KIF13A: variants seen among roughly 807,000 people sequenced by gnomAD.
The protein encoded by KIF13A is kinesin family member 13A.
KIF13A carries 79 observed loss-of-function variants against 212.2 expected under a neutral mutation model. The observed-to-expected ratio is 0.37, with a 90% CI of 0.31 to 0.45. The LOEUF (loss-of-function observed/expected upper bound fraction) is 0.45, where lower values mean the gene tolerates loss of function less well. Ranked by LOEUF, KIF13A falls within the 20% of genes least tolerant of loss-of-function variation. The pLI is 1.00. For missense variants in KIF13A, 1,901 were observed against 2,209.0 expected, an observed-to-expected ratio of 0.86 and a Z score of 2.79; for synonymous variants, 789 against 808.6, an observed-to-expected ratio of 0.98 and a Z score of 0.41.
At chr6:17,931,860 C>T (rs1412018681) in intron 2 of KIF13A, among the ~76,000 whole-genome samples, 1 of 152,032 alleles carries the variant, frequency 6.6e-6, no homozygotes, top group East Asian at 1.9e-4. Flanking sequence ...AAATAAAGAG[C>T]CCCAGTAATC....
chr6:17,928,040 C>T (rs1775643701), intron 2 of KIF13A, among the ~76,000 whole-genome samples: 1 of 152,236 alleles, frequency 6.6e-6, no homozygotes, highest in Non-Finnish European at 1.5e-5. Context: ...TGCAAAATCA[C>T]ACAGGCTGCG....
At position 17,799,542 on chromosome 6, in the gene KIF13A, C is replaced by T; in HGVS notation, c.2617-103G>A. ...GTAAGCGATGAAACAAATTGGTCAT[C>T]CATTTGACATGTGAAAATATTATAT... On this transcript the variant is annotated intron_variant, in intron 21 of 38. Coordinates refer to ENST00000259711, the MANE Select transcript of KIF13A (RefSeq NM_022113.6). The surrounding 1 kb of genome is among the most constrained non-coding windows in gnomAD (Gnocchi z 4.4). 1.1e-6 allele frequency: 1 copy of T among 900,414 alleles called. No individual in the cohort carries two copies. The highest frequency in any genetic ancestry group is 1.6e-6 in the Non-Finnish European group (1 of 609,394). 55.8% of individuals were successfully genotyped at this position (900,414 alleles called of 1,614,324 possible).
At chr6:17,809,000 CT>C in intron 17 of KIF13A, 70 bp from the exon 18 acceptor site, 1 of 1,379,000 alleles carries the variant, frequency 7.3e-7, no homozygotes, top group Non-Finnish European at 9.7e-7. Flanking sequence ...AAGTGAGCAT[CT>C]TATTAGAAAA....
rs556163612 is a variant in KIF13A, at chr6:17,809,112, C to T, written c.2001-182G>A. Among the ~76,000 whole-genome samples the T allele has an allele frequency of 6.6e-6, 1 of 152,320 alleles. No homozygotes were observed. ...CAGATGGGCTATCTGTTGAGAACTA[C>T]TGATGGGAAGCAAATTGTTGAGCAA... On this transcript the variant is annotated intron_variant, in intron 17 of 38. Coordinates refer to ENST00000259711, the MANE Select transcript of KIF13A (RefSeq NM_022113.6). The surrounding 1 kb of genome is among the most constrained non-coding windows in gnomAD (Gnocchi z 4.7).
chr6:17,938,073 T>G (rs1268304283), intron 2 of KIF13A, among the ~76,000 whole-genome samples: 2 of 152,044 alleles, frequency 1.3e-5, no homozygotes, highest in African/African-American at 4.8e-5. Context: ...TAAAATTTTT[T>G]TTGTAGAGAT....
chr6:17,970,268 T>C (rs1779697920), intron 2 of KIF13A, among the ~76,000 whole-genome samples: 1 of 152,178 alleles, frequency 6.6e-6, no homozygotes, highest in African/African-American at 2.4e-5. Context: ...TAGAACAGTT[T>C]TTGATCCATT....
intron 4 of KIF13A, among the ~76,000 whole-genome samples, chr6:17,866,140 T>C (rs1351452640): frequency 2.0e-5 from 3 of 152,188 alleles, no homozygotes; most frequent in Non-Finnish European, 4.4e-5. Context: ...TAAACCTTCA[T>C]TTCTATCTTA....
intron 2 of KIF13A, among the ~76,000 whole-genome samples, chr6:17,955,477 AC>A (rs1476002049): frequency 2.6e-5 from 4 of 152,210 alleles, no homozygotes; most frequent in Admixed American, 1.3e-4. Context: ...AATTACCTAT[AC>A]AATAAGTAAA....
At chr6:17,955,684 A>AT (rs1309351365) in intron 2 of KIF13A, among the ~76,000 whole-genome samples, 2 of 152,218 alleles carry the variant, frequency 1.3e-5, no homozygotes, top group Admixed American at 6.5e-5. Context: ...AGACAAAGTC[A>AT]TGGTTTACTA....
At chr6:17,812,585 A>G (rs1385504985) in intron 17 of KIF13A, 3 of 152,070 alleles carry the variant, frequency 2.0e-5, no homozygotes, top group Admixed American at 2.0e-4. Context: ...CTATCGTTGG[A>G]CATTTAGGTT....
intron 9 of KIF13A, among the ~76,000 whole-genome samples, chr6:17,845,118 G>C (rs866555365): frequency 6.6e-6 from 1 of 152,132 alleles, no homozygotes; most frequent in Non-Finnish European, 1.5e-5. Context: ...AGGCAAGAGA[G>C]AGAATGGGAA....
At position 17,874,000 on chromosome 6, in the gene KIF13A, AG is replaced by A. The variant is rs537827193; in HGVS notation, c.160-564del. On this transcript the variant is annotated intron_variant, in intron 3 of 38. Transcript: ENST00000259711. ...ATTCAAATAACCAGACATTTTAACGAGATATTTTTTTCCACAATACATCTGA... is the reference window on the plus strand; with the variant it reads ...ATTCAAATAACCAGACATTTTAACGAATATTTTTTTCCACAATACATCTGA... 1.1e-4 allele frequency among the ~76,000 whole-genome samples: 16 copies of A among 152,296 alleles called. 1 individual carries two copies. In the South Asian group the frequency reaches 2.1e-3, roughly 20 times the overall value.
In KIF13A at chr6:17,764,524, T is replaced by C. The variant is rs2296197; in HGVS notation, c.5004A>G (p.Pro1668=). 353,955 of 1,613,792 alleles carry C rather than the reference T, an allele frequency of 0.22. 40,851 individuals carry two copies. The highest frequency in any genetic ancestry group is 0.33 in the Admixed American group (19,669 of 60,002). Residue 1668 remains proline (P), a synonymous_variant, in exon 39 of 39, where the codon CCA becomes CCG. Coordinates refer to ENST00000259711, the MANE Select transcript of KIF13A (RefSeq NM_022113.6). This position sits in a 1 kb window ranked among gnomAD's most constrained non-coding sequence, Gnocchi z 5.1. Reference sequence around the variant, plus strand: ...TGGCTAAGGCACTGTTTTCCTTGAGTGGCACCACAATTATCTTGTCCTTTA... The same window carrying C: ...TGGCTAAGGCACTGTTTTCCTTGAGCGGCACCACAATTATCTTGTCCTTTA... ...GLVKDKIIVV[P]LKENSALAKG... is the part of the protein sequence containing the mutation.
intron 20 of KIF13A, among the ~76,000 whole-genome samples, chr6:17,802,451 CG>C (rs1762552267): frequency 1.3e-5 from 2 of 151,854 alleles, no homozygotes; most frequent in Non-Finnish European, 2.9e-5. Flanking sequence ...GCCACCACGC[CG>C]GCTAATTTTG....
At chr6:17,801,838 A>G (rs1762496091) in intron 20 of KIF13A, among the ~76,000 whole-genome samples, 1 of 152,222 alleles carries the variant, frequency 6.6e-6, no homozygotes. Context: ...AAAGCCACAC[A>G]GATATGAGGA....
downstream of KIF13A, chr6:17,760,839 G>A (rs186263133): frequency 1.7e-4 from 271 of 1,613,522 alleles, no homozygotes; most frequent in Non-Finnish European, 2.2e-4. Flanking sequence ...GTGGCCTGAG[G>A]AGGGGTGCTT....
downstream of KIF13A, among the ~76,000 whole-genome samples, chr6:17,762,218 T>C (rs1323344712): frequency 3.3e-5 from 5 of 150,906 alleles, no homozygotes; most frequent in Admixed American, 3.3e-4. Flanking sequence ...TTTGAATTTT[T>C]TTTTTTTTTT....
In KIF13A at chr6:17,970,946, TCAGAGA is replaced by T. The variant is rs531797307; in HGVS notation, c.146+16102_146+16107del. On this transcript the variant is annotated intron_variant, in intron 2 of 38. Transcript: ENST00000259711. ...AGATTTCCAAGGGAAAAGCTGCAGC[TCAGAGA>T]CAAAGTAATTTACAACACTTTTACA... Among the ~76,000 whole-genome samples, 84 of 152,330 alleles carry T rather than the reference TCAGAGA, an allele frequency of 5.5e-4. No individual in the cohort carries two copies. In the East Asian group the frequency reaches 0.014, roughly 25 times the overall value.
Position 17,971,716 on chromosome 6 carries a change from C to G in KIF13A, c.146+15338G>C, listed in dbSNP as rs752828288. 1.3e-5 allele frequency among the ~76,000 whole-genome samples: 2 copies of G among 152,104 alleles called. No individual in the cohort carries two copies. Among genetic ancestry groups the G allele is most frequent in the South Asian group, 4.1e-4 (2 of 4,824 alleles). On this transcript the variant is annotated intron_variant, in intron 2 of 38. Transcript: ENST00000259711. This position sits in a 1 kb window ranked among gnomAD's most constrained non-coding sequence, Gnocchi z 4.2. ...TTGGGATTACAGGAGTGAGTCACCA[C>G]GTCCGGCTTGCTCTTGTTTTAGTGT...
Sources: gnomAD v4.1 joint callset for allele counts (sites outside exome capture counted in the v4.1 genomes callset) on GRCh38, gnomAD v4.1.1 for gene constraint, Gnocchi (gnomAD v3.1) non-coding constraint, MANE v1.5 for transcripts, NCBI Gene and HGNC (gene_info 2026-07-23, HGNC 2026-07-21) for gene names.